Variants in ADAMTSL1 observed in about 807,000 individuals in gnomAD.
ADAMTSL1 encodes the protein ADAMTS like 1.
ADAMTSL1 carries 126 observed loss-of-function variants against 201.8 expected under a neutral mutation model. The ratio of observed to expected loss-of-function variants is 0.62; its 90% CI spans 0.54 to 0.72. ADAMTSL1 has a LOEUF of 0.72. Ranked by LOEUF, ADAMTSL1 falls within the 30% of genes least tolerant of loss-of-function variation. The pLI is 0.00. For synonymous variants in ADAMTSL1, 1,121 were observed against 903.4 expected (o/e 1.24, Z -4.32); for missense variants, 2,679 against 2,277.8 (o/e 1.18, Z -3.59).
intron 5 of ADAMTSL1, among the ~76,000 whole-genome samples, chr9:18,624,910 G>A (rs376553227): frequency 3.9e-5 from 6 of 152,268 alleles, no homozygotes; most frequent in African/African-American, 1.4e-4. Context: ...GTTTACCTTA[G>A]CACTGATGAT....
chr9:18,463,158 G>A (rs1447076060), intron 2 of ADAMTSL1, among the ~76,000 whole-genome samples: 1 of 152,016 alleles, frequency 6.6e-6, no homozygotes, highest in Non-Finnish European at 1.5e-5. Context: ...TGGCATTGTT[G>A]AAGTAGCATT....
intron 2 of ADAMTSL1, among the ~76,000 whole-genome samples, chr9:18,407,380 G>A (rs1010101698): frequency 6.6e-6 from 1 of 152,210 alleles, no homozygotes; most frequent in African/African-American, 2.4e-5. Context: ...GAAGAACTGA[G>A]TTGCAAATAG....
chr9:17,975,600 C>T (rs1303402888), intron 1 of ADAMTSL1, among the ~76,000 whole-genome samples: 1 of 151,966 alleles, frequency 6.6e-6, no homozygotes. Flanking sequence ...ACATTGAGAC[C>T]ATAGCAGACA....
intron 1 of ADAMTSL1, among the ~76,000 whole-genome samples, chr9:18,068,622 C>T (rs1176811359): frequency 2.0e-5 from 3 of 152,124 alleles, no homozygotes; most frequent in Non-Finnish European, 4.4e-5. Flanking sequence ...GCAAACCAAG[C>T]AGAGGTTCTC....
At chr9:18,770,498 T>C (rs1030626858) in intron 16 of ADAMTSL1, 104 bp from the exon 17 acceptor site, 7 of 1,202,048 alleles carry the variant, frequency 5.8e-6, no homozygotes, top group Non-Finnish European at 6.8e-6. Context: ...TCTTCTGGAT[T>C]TTTTTTTCTT....
intron 13 of ADAMTSL1, among the ~76,000 whole-genome samples, chr9:18,688,689 A>AAAAATATATAT (rs1554730404): frequency 8.1e-4 from 7 of 8,644 alleles, no homozygotes; most frequent in African/African-American, 2.6e-3. Context: ...AAAAAAAAAA[A>AAAAATATATAT]ATATATATAT....
chr9:18,845,609 C>G (rs1826055654), intron 23 of ADAMTSL1, among the ~76,000 whole-genome samples: 1 of 152,250 alleles, frequency 6.6e-6, no homozygotes, highest in Non-Finnish European at 1.5e-5. Flanking sequence ...TCTGACCACC[C>G]AAGACAGGCA....
intron 2 of ADAMTSL1, among the ~76,000 whole-genome samples, chr9:18,315,943 G>T (rs1834374689): frequency 6.6e-6 from 1 of 152,216 alleles, no homozygotes; most frequent in Non-Finnish European, 1.5e-5. Flanking sequence ...ATTCATGTAG[G>T]TTCTTTTCTA....
At chr9:18,374,093 A>T (rs1837177166) in intron 2 of ADAMTSL1, among the ~76,000 whole-genome samples, 1 of 152,096 alleles carries the variant, frequency 6.6e-6, no homozygotes, top group African/African-American at 2.4e-5. Flanking sequence ...ACTTAATTGG[A>T]CTTGTGTATG....
At chr9:18,583,706 A>G (rs888358738) in intron 4 of ADAMTSL1, among the ~76,000 whole-genome samples, 8 of 152,202 alleles carry the variant, frequency 5.3e-5, no homozygotes, top group African/African-American at 1.9e-4. Flanking sequence ...CAGAGCCACC[A>G]GGACGGAGCT....
At chr9:18,264,381 G>A (rs1205416252) in intron 2 of ADAMTSL1, among the ~76,000 whole-genome samples, 3 of 152,058 alleles carry the variant, frequency 2.0e-5, no homozygotes, top group African/African-American at 7.2e-5. Flanking sequence ...ACATCTGATT[G>A]TATACCAGCC....
intron 1 of ADAMTSL1, among the ~76,000 whole-genome samples, chr9:18,068,158 C>T (rs1822793121): frequency 6.6e-6 from 1 of 152,044 alleles, no homozygotes; most frequent in African/African-American, 2.4e-5. Flanking sequence ...CTGGCCCACC[C>T]CACCCTTAGA....
rs1174126296 is a variant in ADAMTSL1, at chr9:18,490,137, T to G, written c.64-14692T>G. Reference sequence around the variant, plus strand: ...TTATGTTCAGCTGTTTTACTGCATGTGTCCTGGCACACTGAGACCCATGCC... The same window carrying G: ...TTATGTTCAGCTGTTTTACTGCATGGGTCCTGGCACACTGAGACCCATGCC... On this transcript the variant is annotated intron_variant, in intron 1 of 28. Coordinates refer to ENST00000380548, the MANE Select transcript of ADAMTSL1 (RefSeq NM_001040272.6). 3.3e-5 allele frequency among the ~76,000 whole-genome samples: 5 copies of G among 152,186 alleles called. No individual in the cohort carries two copies. The East Asian group carries it at 9.7e-4, about 29-fold the overall frequency.
intron 2 of ADAMTSL1, among the ~76,000 whole-genome samples, chr9:18,374,187 C>T (rs1426064940): frequency 6.6e-6 from 1 of 152,078 alleles, no homozygotes; most frequent in African/African-American, 2.4e-5. Flanking sequence ...TTGCTAATGC[C>T]TACTCTTTTT....
At chr9:18,281,722 T>G (rs1036658908) in intron 2 of ADAMTSL1, among the ~76,000 whole-genome samples, 2 of 152,172 alleles carry the variant, frequency 1.3e-5, no homozygotes, top group African/African-American at 4.8e-5. Context: ...CATGTTCAAT[T>G]GAGTTCACAT....
chr9:18,508,273 G>A (rs114656403), intron 2 of ADAMTSL1, among the ~76,000 whole-genome samples: 3,765 of 152,142 alleles, frequency 0.025, 117 homozygotes, highest in South Asian at 0.073. Context: ...TGTGTCCCTG[G>A]CTTTCTCTTC....
At chr9:18,467,697 C>T (rs947779775) in intron 2 of ADAMTSL1, among the ~76,000 whole-genome samples, 4 of 152,092 alleles carry the variant, frequency 2.6e-5, no homozygotes, top group Admixed American at 2.6e-4. Flanking sequence ...ACCTTCCATG[C>T]AGAAGGGACA....
At chr9:18,719,145 C>G (rs777974937) in intron 14 of ADAMTSL1, among the ~76,000 whole-genome samples, 22 of 152,102 alleles carry the variant, frequency 1.4e-4, no homozygotes, top group Non-Finnish European at 3.1e-4. Flanking sequence ...CATCTACAAC[C>G]AAGAGAACAC....
intron 2 of ADAMTSL1, among the ~76,000 whole-genome samples, chr9:18,348,956 A>T (rs1364824583): frequency 6.6e-6 from 1 of 152,192 alleles, no homozygotes. Context: ...ATATTATCTC[A>T]TTTAATCCTC....
Sources: allele counts gnomAD v4.1 joint callset (sites outside exome capture counted in the v4.1 genomes callset), GRCh38; gene constraint gnomAD v4.1.1; transcripts MANE v1.5; gene names NCBI Gene and HGNC (gene_info 2026-07-23, HGNC 2026-07-21).